The following ITGAE variants were observed in gnomAD, a reference collection of about 807,000 sequenced individuals.
ITGAE encodes integrin alpha-E.
A neutral mutation model predicts 136.5 loss-of-function variants in ITGAE; 99 were observed. The ratio of observed to expected loss-of-function variants is 0.73; its 90% confidence interval spans 0.62 to 0.86. ITGAE has a LOEUF of 0.86. Ranked by LOEUF, ITGAE falls within the 40% of genes least tolerant of loss-of-function variation. The pLI is 0.00. For synonymous variants in ITGAE, 613 were observed against 591.8 expected, an observed-to-expected ratio of 1.04 and a Z score of -0.52; for missense variants, 1,447 against 1,515.3, an observed-to-expected ratio of 0.95 and a Z score of 0.75.
intron 12 of ITGAE, 128 bp from the exon 13 acceptor site, chr17:3,754,053 C>T: frequency 9.7e-7 from 1 of 1,028,212 alleles, no homozygotes; most frequent in Non-Finnish European, 1.4e-6. Flanking sequence ...GAGAGACTGT[C>T]TTTCTCACTA....
chr17:3,739,940 C>G (rs374282997), intron 19 of ITGAE, 62 bp from the exon 20 acceptor site: 1 of 1,347,290 alleles, frequency 7.4e-7, no homozygotes, highest in Admixed American at 1.7e-5. Context: ...GCCCTGCCTC[C>G]GGCTCTTCTC....
At position 3,770,948 on chromosome 17, in the gene ITGAE, G is replaced by A. The variant is rs553637754; in HGVS notation, c.155+6592C>T. 1.4e-4 allele frequency among the ~76,000 whole-genome samples: 21 copies of A among 152,220 alleles called. No individual in the cohort carries two copies. The South Asian group carries it at 2.9e-3, about 21-fold the overall frequency. ...TAGGCAGGAGACAGTTACAGAAAACGCTGACTGAAACCTGCTCACACCCTA... is the reference window on the plus strand; with the variant it reads ...TAGGCAGGAGACAGTTACAGAAAACACTGACTGAAACCTGCTCACACCCTA... On this transcript the variant is annotated intron_variant, in intron 2 of 30. Transcript: ENST00000263087.
intron 22 of ITGAE, 148 bp from the exon 23 acceptor site, chr17:3,731,331 C>A: frequency 4.0e-6 from 2 of 503,650 alleles, no homozygotes; most frequent in Non-Finnish European, 3.5e-6. Context: ...TTTCCTTTCC[C>A]TTCCTTTTTT....
intron 26 of ITGAE, chr17:3,724,404 A>C: frequency 6.2e-7 from 1 of 1,611,652 alleles, no homozygotes; most frequent in Non-Finnish European, 8.5e-7. Context: ...CGGCCAGCCC[A>C]GGGACGGCGA....
Position 3,761,497 on chromosome 17 carries a change from C to T in ITGAE, c.339G>A (p.Arg113=), listed in dbSNP as rs1307989312. Residue 113 remains arginine, a synonymous_variant, in exon 5 of 31, where the codon CGG becomes CGA. Transcript: ENST00000263087. ...GTTCTGAGCTGAGGCTGTGAGGCCGCCGGACCAGCACTTGAATGCATATCT... is the reference window on the plus strand; with the variant it reads ...GTTCTGAGCTGAGGCTGTGAGGCCGTCGGACCAGCACTTGAATGCATATCT... ...GVLICIQVLV[R]RPHSLSSELT... The T allele has an allele frequency of 1.2e-6, 2 of 1,613,710 alleles. No homozygotes were observed. The highest frequency in any genetic ancestry group is 2.7e-5 in the African/African-American group (2 of 74,940).
intron 8 of ITGAE, 76 bp downstream of exon 8, chr17:3,759,326 C>A (rs891496401): frequency 3.2e-6 from 5 of 1,543,170 alleles, no homozygotes; most frequent in Non-Finnish European, 3.5e-6. Context: ...CGGTTCTGGC[C>A]AGCCACTTCC....
intron 26 of ITGAE, chr17:3,726,720 C>CT (rs111318456): frequency 0.29 from 43,102 of 148,784 alleles, 8,091 homozygotes; most frequent in African/African-American, 0.55. Context: ...TATAAACCCT[C>CT]TTTTTTTTTT....
At chr17:3,730,493 A>C (rs2051318026) in intron 23 of ITGAE, 1 of 144,260 alleles carries the variant, frequency 6.9e-6, no homozygotes, top group African/African-American at 2.4e-5. Flanking sequence ...GAGATAAGCA[A>C]TTGGAGTTCA....
chr17:3,793,403 C>A (rs1380131211), intron 1 of ITGAE, among the ~76,000 whole-genome samples: 1 of 152,058 alleles, frequency 6.6e-6, no homozygotes, highest in African/African-American at 2.4e-5. Flanking sequence ...GGCTGGACTG[C>A]AATGGTGTGA....
At position 3,785,555 on chromosome 17, in the gene ITGAE, G is replaced by GAAGGAAGA. The variant is rs1333736049; in HGVS notation, c.35-7896_35-7895insTCTTCCTT. ...GGAAGGAAGGAAGGAAGGAAGGAAG[G>GAAGGAAGA]AAAACTAGAAAAATCTGAACCTCGT... On this transcript the variant is annotated intron_variant, in intron 1 of 30. Coordinates refer to ENST00000263087, the MANE Select transcript of ITGAE (RefSeq NM_002208.5). Among the ~76,000 whole-genome samples, 3 of 147,342 alleles carry GAAGGAAGA rather than the reference G, an allele frequency of 2.0e-5. No homozygotes were observed. The East Asian group carries it at 6.0e-4, about 29-fold the overall frequency.
chr17:3,781,431 C>T (rs2052665320), intron 1 of ITGAE, among the ~76,000 whole-genome samples: 1 of 152,038 alleles, frequency 6.6e-6, no homozygotes, highest in African/African-American at 2.4e-5. Flanking sequence ...CTCACTGCAA[C>T]CACCATCTCC....
At chr17:3,795,511 T>C (rs2053044202) in intron 1 of ITGAE, among the ~76,000 whole-genome samples, 1 of 152,224 alleles carries the variant, frequency 6.6e-6, no homozygotes, top group African/African-American at 2.4e-5. Flanking sequence ...GGTTTGTGCA[T>C]GGCCCGTCGG....
chr17:3,761,324 C>T, intron 5 of ITGAE, 79 bp downstream of exon 5: 2 of 1,546,540 alleles, frequency 1.3e-6, no homozygotes, highest in Non-Finnish European at 1.7e-6. Context: ...ACTGCATCTG[C>T]CGTGAGCTGG....
chr17:3,769,456 G>T (rs1597351284), intron 2 of ITGAE, among the ~76,000 whole-genome samples: 1 of 151,984 alleles, frequency 6.6e-6, no homozygotes, highest in East Asian at 1.9e-4. Flanking sequence ...GCAATGACAT[G>T]GCCTGGGGCC....
Position 3,744,009 on chromosome 17 carries a change from CT to C in ITGAE, c.2320-393del, listed in dbSNP as rs566973351. ...TAAGCCACCGCGCCCGGCCTCTTTT[CT>C]TTTTTTTTTTTTTTAAGATAAGGTC... is the stretch of plus-strand genomic sequence containing the variant. On this transcript the variant is annotated intron_variant, in intron 18 of 30. Transcript: ENST00000263087. 5.8e-3 allele frequency among the ~76,000 whole-genome samples: 807 copies of C among 139,070 alleles called. 1 individual carries two copies. The highest frequency in any genetic ancestry group is 0.016 in the South Asian group (68 of 4,376). The allele number at this position is 139,070 out of a possible 152,430, so 91.2% of individuals were successfully genotyped here. A position where few individuals can be genotyped will look rare whatever the true frequency, so the allele number is the denominator to read the frequency against.
At chr17:3,796,020 CGCGTGTGT>C (rs1056963814) in intron 1 of ITGAE, among the ~76,000 whole-genome samples, 1 of 84,944 alleles carries the variant, frequency 1.2e-5, no homozygotes, top group Non-Finnish European at 2.2e-5. Flanking sequence ...CATCCATGTG[CGCGTGTGT>C]GCGTGTGCAT....
In ITGAE at chr17:3,723,382, T is replaced by C. The variant is rs1486069499; in HGVS notation, c.3143A>G (p.His1048Arg). Residue 1048 changes from histidine (H) to arginine (R), a missense_variant and splice_region_variant, in exon 28 of 31, where the codon CAT (histidine) becomes CGT (arginine). By Grantham distance (29) the His-to-Arg change is conservative (BLOSUM62 0). Coordinates refer to ENST00000263087, the MANE Select transcript of ITGAE (RefSeq NM_002208.5). The part of the protein sequence containing the change: ...ERACAYSSVQ[H>R]VEEWHSVSCV... ...GCTCACTGAATGCCATTCTTCCACA[T>C]GCTGGAAAAGCGAGGTCTAGTGAAC... 2 of 1,610,694 alleles carry C rather than the reference T, an allele frequency of 1.2e-6. No homozygotes were observed. Among genetic ancestry groups the C allele is most frequent in the African/African-American group, 1.3e-5 (1 of 74,878 alleles).
intron 3 of ITGAE, 48 bp downstream of exon 3, chr17:3,763,821 T>C (rs1277369139): frequency 6.8e-7 from 1 of 1,468,160 alleles, no homozygotes; most frequent in Admixed American, 1.7e-5. Flanking sequence ...GGGATTTTGC[T>C]AGAAAGGGGG....
chr17:3,723,461 A>G, intron 27 of ITGAE, 78 bp from the exon 28 acceptor site: 1 of 1,133,788 alleles, frequency 8.8e-7, no homozygotes. Context: ...TCGGACACAG[A>G]GCATCGTAAG....
Sources: gnomAD v4.1 joint callset for allele counts (sites outside exome capture counted in the v4.1 genomes callset) on GRCh38, gnomAD v4.1.1 for gene constraint, MANE v1.5 for transcripts, NCBI Gene and HGNC (gene_info 2026-07-23, HGNC 2026-07-21) for gene names.